Variants in EYS observed in about 807,000 individuals in gnomAD.
EYS encodes EGF-like photoreceptor maintenance factor, also known as protein eyes shut homolog.
A neutral mutation model predicts 282.1 loss-of-function variants in EYS; 250 were observed. The observed-to-expected ratio is 0.89, with a 90% CI of 0.80 to 0.98. The LOEUF (loss-of-function observed/expected upper bound fraction) is 0.98, where lower values mean the gene tolerates loss of function less well. Among genes scored for constraint, EYS ranks in the 50% least tolerant of loss-of-function variants. The pLI, the probability that EYS is intolerant of heterozygous loss-of-function variation, is 0.00. For synonymous variants in EYS, 1,355 were observed against 1,282.9 expected (o/e 1.06, Z -1.20); for missense variants, 4,016 against 3,709.0 (o/e 1.08, Z -2.15).
At chr6:63,904,011 G>A (rs139702213) in intron 35 of EYS, among the ~76,000 whole-genome samples, 167 of 152,252 alleles carry the variant, frequency 1.1e-3, no homozygotes, top group African/African-American at 3.9e-3. Context: ...TTACTTTAAG[G>A]CAAAGATAAC....
At chr6:63,809,223 A>G (rs77454101) in intron 36 of EYS, among the ~76,000 whole-genome samples, 1,935 of 152,362 alleles carry the variant, frequency 0.013, 21 homozygotes, top group Middle Eastern at 0.024. Context: ...ACTCTGAATT[A>G]GGCAGAAGAA....
chr6:65,010,016 G>C (rs1437611699), intron 13 of EYS, among the ~76,000 whole-genome samples: 1 of 152,196 alleles, frequency 6.6e-6, no homozygotes, highest in Non-Finnish European at 1.5e-5. Flanking sequence ...TACCCATTTA[G>C]TAAGATGGAC....
At chr6:63,990,648 G>C (rs1767563082) in intron 34 of EYS, among the ~76,000 whole-genome samples, 1 of 151,644 alleles carries the variant, frequency 6.6e-6, no homozygotes, top group East Asian at 1.9e-4. Flanking sequence ...CATGGGATCA[G>C]AGAAAATTCT....
intron 13 of EYS, among the ~76,000 whole-genome samples, chr6:65,037,525 A>G (rs1486192128): frequency 6.6e-6 from 1 of 151,690 alleles, no homozygotes; most frequent in Non-Finnish European, 1.5e-5. Flanking sequence ...AAGTAAATGT[A>G]TTTTCTCTTC....
intron 32 of EYS, among the ~76,000 whole-genome samples, chr6:64,067,912 T>G (rs1771435226): frequency 6.6e-6 from 1 of 152,116 alleles, no homozygotes; most frequent in Admixed American, 6.6e-5. Flanking sequence ...TAGATAGACA[T>G]TTTCCCCCTA....
intron 2 of EYS, among the ~76,000 whole-genome samples, chr6:65,548,576 C>A (rs935099567): frequency 1.3e-5 from 2 of 152,110 alleles, no homozygotes; most frequent in African/African-American, 4.8e-5. Context: ...TTCCTTTATC[C>A]CAATCCATTT....
At chr6:64,629,065 A>G (rs62415855) in intron 22 of EYS, among the ~76,000 whole-genome samples, 325 of 152,292 alleles carry the variant, frequency 2.1e-3, no homozygotes, top group Admixed American at 3.9e-3. Context: ...AGAATACCAC[A>G]TTCCATTTAG....
intron 30 of EYS, among the ~76,000 whole-genome samples, chr6:64,249,555 A>C (rs1767137625): frequency 6.6e-6 from 1 of 152,242 alleles, no homozygotes; most frequent in Admixed American, 6.5e-5. Flanking sequence ...AGGGTAATTA[A>C]AATGAGTTTA....
intron 36 of EYS, among the ~76,000 whole-genome samples, chr6:63,828,647 A>C (rs1771539071): frequency 6.6e-6 from 1 of 152,228 alleles, no homozygotes; most frequent in Non-Finnish European, 1.5e-5. Flanking sequence ...ATCCTATCAA[A>C]AAATGGGCTA....
In EYS at chr6:64,435,963, T is replaced by C. The variant is rs560874266; in HGVS notation, c.5927+211A>G. 1.4e-4 allele frequency among the ~76,000 whole-genome samples: 21 copies of C among 152,090 alleles called. No individual in the cohort carries two copies. The South Asian group carries it at 4.3e-3, about 31-fold the overall frequency. On this transcript the variant is annotated intron_variant, in intron 28 of 42. Transcript: ENST00000503581. Reference sequence around the variant, plus strand: ...TATGGATCTTTTGTAAATCTCCTTATGTGAGTTCATTGATAATGTAATCCC... The same window carrying C: ...TATGGATCTTTTGTAAATCTCCTTACGTGAGTTCATTGATAATGTAATCCC...
chr6:63,720,595 C>T lies in EYS; in HGVS notation c.*1G>A. 1.4e-6 allele frequency: 2 copies of T among 1,463,966 alleles called. No individual in the cohort carries two copies. Among genetic ancestry groups the T allele is most frequent in the South Asian group, 1.5e-5 (1 of 68,814 alleles). 90.7% of individuals were successfully genotyped at this position (1,463,966 alleles called of 1,614,324 possible). On this transcript the variant is annotated 3_prime_UTR_variant, in exon 43 of 43. Transcript: ENST00000503581. Reference sequence around the variant, plus strand: ...TGTGTACTAAAATCTCTAGTGTTAACTTATGTAACCTCATTTTGTTCATCT... The same window carrying T: ...TGTGTACTAAAATCTCTAGTGTTAATTTATGTAACCTCATTTTGTTCATCT...
At position 64,688,911 on chromosome 6, in the gene EYS, A is replaced by G. The variant is rs1379378999; in HGVS notation, c.3444-62666T>C. On this transcript the variant is annotated intron_variant, in intron 22 of 42. Transcript: ENST00000503581. The stretch of plus-strand genomic sequence containing the variant: ...AAGCATTCCCTTTGAAAACTGGCAC[A>G]AGACAGTGATGCCCTCTCTCACCAC... 2.0e-5 allele frequency among the ~76,000 whole-genome samples: 3 copies of G among 151,902 alleles called. No homozygotes were observed. The East Asian group carries it at 5.8e-4, about 29-fold the overall frequency.
At chr6:64,494,156 A>C (rs971231795) in intron 26 of EYS, among the ~76,000 whole-genome samples, 2 of 151,600 alleles carry the variant, frequency 1.3e-5, no homozygotes, top group Non-Finnish European at 3.0e-5. Flanking sequence ...ATTTCTGTCC[A>C]TGCTATCCTC....
At chr6:64,403,850 A>C (rs34071019) in intron 28 of EYS, among the ~76,000 whole-genome samples, 42,138 of 151,890 alleles carry the variant, frequency 0.28, 5,959 homozygotes, top group East Asian at 0.46. Context: ...AGATCAAAAG[A>C]CACCTTCAAA....
chr6:65,428,924 T>C (rs59460254), intron 5 of EYS, among the ~76,000 whole-genome samples: 1,754 of 152,220 alleles, frequency 0.012, 34 homozygotes, highest in African/African-American at 0.04. Context: ...GGCTCATGCC[T>C]ATAATCCTGG....
intron 35 of EYS, among the ~76,000 whole-genome samples, chr6:63,928,679 G>A (rs376383392): frequency 1.5e-4 from 23 of 152,180 alleles, no homozygotes; most frequent in African/African-American, 5.1e-4. Context: ...GGTAGCATCT[G>A]CTTAAAGGAC....
Position 64,912,731 on chromosome 6 carries a change from T to C in EYS, c.2394A>G (p.Thr798=), listed in dbSNP as rs1211173176. The change falls in exon 16 of 43, where the codon ACA becomes ACG. Residue 798 remains threonine (T), a synonymous_variant. Coordinates refer to ENST00000503581, the MANE Select transcript of EYS (RefSeq NM_001142800.2). The part of the protein sequence containing the change: ...DLYKSYRCEC[T]SGWTGQNCSE... ...TACAGTTCTGTCCAGTCCATCCAGA[T>C]GTACACTCACATCTGAAATAAAATA... 5 of 1,380,602 alleles carry C rather than the reference T, an allele frequency of 3.6e-6. No individual in the cohort carries two copies. Among genetic ancestry groups the C allele is most frequent in the Non-Finnish European group, 4.7e-6 (5 of 1,058,404 alleles). The allele number at this position is 1,380,602 out of a possible 1,614,324, so 85.5% of individuals were successfully genotyped here. A position where few individuals can be genotyped will look rare whatever the true frequency, so the allele number is the denominator to read the frequency against.
intron 2 of EYS, among the ~76,000 whole-genome samples, chr6:65,520,502 G>T (rs138103947): frequency 2.0e-5 from 3 of 152,108 alleles, no homozygotes; most frequent in African/African-American, 7.2e-5. Flanking sequence ...ATAATATAGT[G>T]CAGAATATGG....
chr6:64,464,514 A>C (rs1775854797), intron 26 of EYS, among the ~76,000 whole-genome samples: 1 of 152,128 alleles, frequency 6.6e-6, no homozygotes, highest in African/African-American at 2.4e-5. Context: ...CCCTGTTTAC[A>C]AGCAATGTAA....
Sources: gnomAD v4.1 joint callset for allele counts (sites outside exome capture counted in the v4.1 genomes callset) on GRCh38, gnomAD v4.1.1 for gene constraint, MANE v1.5 for transcripts, NCBI Gene and HGNC (gene_info 2026-07-23, HGNC 2026-07-21) for gene names.